Variants in KY observed in about 807,000 individuals in gnomAD.
The protein encoded by KY is kyphoscoliosis peptidase.
In KY, 43 loss-of-function variants were observed where a neutral mutation model predicts 76.1. That is an observed-to-expected ratio of 0.57 (90% CI 0.44 to 0.73). The LOEUF (loss-of-function observed/expected upper bound fraction) is 0.73. KY is among the 30% of genes least tolerant of loss of function. KY has a pLI of 0.00. For synonymous variants in KY, 277 were observed against 326.2 expected (o/e 0.85, Z 1.63); for missense variants, 722 against 828.9 (o/e 0.87, Z 1.58).
intron 8 of KY, among the ~76,000 whole-genome samples, chr3:134,616,662 A>C (rs1267430136): frequency 6.6e-6 from 1 of 152,216 alleles, no homozygotes; most frequent in Non-Finnish European, 1.5e-5. Flanking sequence ...GGAGAGTTTT[A>C]ATGATAAGCT....
chr3:134,638,699 C>G (rs1965310402), intron 3 of KY, among the ~76,000 whole-genome samples: 1 of 152,244 alleles, frequency 6.6e-6, no homozygotes, highest in Non-Finnish European at 1.5e-5. Context: ...AGAATGTCCA[C>G]ATGCTTACTG....
intron 3 of KY, among the ~76,000 whole-genome samples, chr3:134,638,128 T>C (rs928833719): frequency 2.6e-5 from 4 of 152,178 alleles, no homozygotes; most frequent in African/African-American, 9.7e-5. Flanking sequence ...TCTCACTTAC[T>C]GTTGTGTGAG....
intron 3 of KY, among the ~76,000 whole-genome samples, chr3:134,637,997 A>C (rs1391229283): frequency 6.6e-6 from 1 of 152,170 alleles, no homozygotes; most frequent in Non-Finnish European, 1.5e-5. Context: ...GTCAATGTCC[A>C]ATATTTTCCT....
At chr3:134,608,572 C>A (rs1412196823) in intron 10 of KY, 77 bp downstream of exon 10, 1 of 1,612,154 alleles carries the variant, frequency 6.2e-7, no homozygotes, top group African/African-American at 1.3e-5. Flanking sequence ...AAAGCGCAGT[C>A]TCAGGCGGGC....
At chr3:134,637,357 T>C (rs768351318) in intron 3 of KY, among the ~76,000 whole-genome samples, 1 of 152,222 alleles carries the variant, frequency 6.6e-6, no homozygotes, top group Non-Finnish European at 1.5e-5. Context: ...TCAAACCCTC[T>C]GAGGTGTCTT....
Position 134,602,174 on chromosome 3 carries a change from G to A in KY, c.*1405C>T, listed in dbSNP as rs1448299055. 6.6e-6 allele frequency among the ~76,000 whole-genome samples: 1 copy of A among 152,170 alleles called. No individual in the cohort carries two copies. The highest frequency in any genetic ancestry group is 1.5e-5 in the Non-Finnish European group (1 of 68,014). ...AGCCAGGGGCCACGGAGCTGGAGAA[G>A]CCGGGAGTTCAGCAGGGAGCATGTC... On this transcript the variant is annotated 3_prime_UTR_variant, in exon 11 of 11. Coordinates refer to ENST00000423778, the MANE Select transcript of KY (RefSeq NM_178554.6).
At chr3:134,631,064 G>A (rs1235021493) in intron 3 of KY, among the ~76,000 whole-genome samples, 3 of 152,208 alleles carry the variant, frequency 2.0e-5, no homozygotes, top group Non-Finnish European at 4.4e-5. Flanking sequence ...AATAGAAAAT[G>A]TAAGTAGTGC....
In KY at chr3:134,604,392, C is replaced by T. The variant is rs1182777709; in HGVS notation, c.1173G>A (p.Gly391=). 6.2e-7 allele frequency: 1 copy of T among 1,613,896 alleles called. No homozygotes were observed. Among genetic ancestry groups the T allele is most frequent in the Non-Finnish European group, 8.5e-7 (1 of 1,179,896 alleles). Residue 391 remains glycine, a synonymous_variant, in exon 11 of 11, where the codon GGG becomes GGA. Coordinates refer to ENST00000423778, the MANE Select transcript of KY (RefSeq NM_178554.6). The part of the protein sequence containing the change: ...MFMLNGKQEH[G]LLSLRKNGMK... ...TCCCATTCTTCCTTAGGCTCAGCAG[C>T]CCATGCTCTTGCTTGCCATTGAGCA...
At chr3:134,621,422 G>A (rs151173994) in intron 6 of KY, among the ~76,000 whole-genome samples, 4 of 152,266 alleles carry the variant, frequency 2.6e-5, no homozygotes, top group African/African-American at 7.2e-5. Flanking sequence ...ACATATCTAC[G>A]GTTAGTGGAT....
In KY at chr3:134,604,270, G is replaced by T; in HGVS notation, c.1295C>A (p.Thr432Lys). 2 of 1,613,982 alleles carry T rather than the reference G, an allele frequency of 1.2e-6. No individual in the cohort carries two copies. Among genetic ancestry groups the T allele is most frequent in the Non-Finnish European group, 1.7e-6 (2 of 1,179,892 alleles). Residue 432 changes from threonine (T) to lysine (K), a missense_variant, in exon 11 of 11, where the codon ACG becomes AAG. Transcript: ENST00000423778. ...CATGTCCACATAATTGCACTTGAGC[G>T]TGTACTCCAGCACTGAGCTGTAGAT... is the stretch of plus-strand genomic sequence containing the variant. ...SDIYSSVLEY[T>K]LKCNYVDMGV...
At chr3:134,634,567 C>T (rs538185625) in intron 3 of KY, among the ~76,000 whole-genome samples, 6 of 152,294 alleles carry the variant, frequency 3.9e-5, no homozygotes, top group African/African-American at 1.4e-4. Context: ...AGATGTTCAG[C>T]ATCATCAGCC....
chr3:134,619,112 T>G (rs1263630300), intron 8 of KY, 36 bp downstream of exon 8: 4 of 1,526,626 alleles, frequency 2.6e-6, no homozygotes, highest in Non-Finnish European at 3.6e-6. Flanking sequence ...GAGGGATGGG[T>G]CCGGTGGTCA....
intron 2 of KY, 57 bp downstream of exon 2, chr3:134,647,378 T>C: frequency 7.6e-7 from 1 of 1,321,234 alleles, no homozygotes; most frequent in Non-Finnish European, 1.1e-6. Context: ...ACCCAATTCT[T>C]CCAGTTATTA....
At chr3:134,647,641 C>A in intron 1 of KY, 144 bp from the exon 2 acceptor site, 1 of 585,004 alleles carries the variant, frequency 1.7e-6, no homozygotes, top group South Asian at 2.3e-5. Context: ...ATAAGATGCC[C>A]TTGAGGGAAT....
chr3:134,609,047 C>T (rs1959802621), intron 9 of KY, among the ~76,000 whole-genome samples: 4 of 152,198 alleles, frequency 2.6e-5, no homozygotes, highest in Admixed American at 2.6e-4. Context: ...GGGAAGGCCA[C>T]AGCCTGCAAC....
intron 8 of KY, among the ~76,000 whole-genome samples, chr3:134,618,456 C>G (rs1385718177): frequency 6.6e-6 from 1 of 152,170 alleles, no homozygotes; most frequent in African/African-American, 2.4e-5. Flanking sequence ...CCAGGGCTAG[C>G]TGACTGTTTT....
intron 8 of KY, among the ~76,000 whole-genome samples, chr3:134,616,841 C>CA (rs1406610809): frequency 6.6e-6 from 1 of 152,142 alleles, no homozygotes; most frequent in Non-Finnish European, 1.5e-5. Flanking sequence ...CAAGATAGGT[C>CA]AAAAAACACC....
rs1418473798 is a variant in KY at position 134,650,863 on chromosome 3, T to C, written c.98A>G (p.Gln33Arg). 1.2e-6 allele frequency: 2 copies of C among 1,609,842 alleles called. No individual in the cohort carries two copies. Among genetic ancestry groups the C allele is most frequent in the Non-Finnish European group, 8.5e-7 (1 of 1,177,910 alleles). The change falls in exon 1 of 11, where the codon CAG becomes CGG. Residue 33 changes from glutamine to arginine, a missense_variant. Gln to Arg is a conservative substitution (Grantham distance 43, BLOSUM62 1). Around this residue, in one of 2 missense-constraint regions of KY, gnomAD observed 170 missense variants for 148.1 expected, o/e 1.15. Transcript: ENST00000423778. ...CAGCAGCGAGCTCGGGTTCGCCTGCTGGTCTGAGAGCGTACCCTGTGCGGC... is the reference window on the plus strand; with the variant it reads ...CAGCAGCGAGCTCGGGTTCGCCTGCCGGTCTGAGAGCGTACCCTGTGCGGC... ...RRAAQGTLSD[Q>R]QANPSSLLQR...
In KY at chr3:134,602,986, T is replaced by C. The variant is rs567548631; in HGVS notation, c.*593A>G. 2.4e-4 allele frequency among the ~76,000 whole-genome samples: 37 copies of C among 152,294 alleles called. 1 individual carries two copies. The South Asian group carries it at 7.7e-3, about 32-fold the overall frequency. On this transcript the variant is annotated 3_prime_UTR_variant, in exon 11 of 11. Transcript: ENST00000423778. ...CAGCTGGCTTCCTCACCACACCCTT[T>C]TTCTTGGGCTCTTGAAGAACAAGAA...
Sources: gnomAD v4.1 joint callset for allele counts (sites outside exome capture counted in the v4.1 genomes callset) on GRCh38, gnomAD v4.1.1 for gene constraint, gnomAD v4.1.1 regional missense constraint, MANE v1.5 for transcripts, NCBI Gene and HGNC (gene_info 2026-07-23, HGNC 2026-07-21) for gene names.